PRKD3: variants seen among roughly 807,000 people sequenced by gnomAD.
The protein encoded by PRKD3 is protein kinase D3, also known as serine/threonine-protein kinase D3.
PRKD3 carries 47 observed loss-of-function variants against 99.2 expected under a neutral mutation model. The observed-to-expected ratio is 0.47, with a 90% CI of 0.38 to 0.60. The LOEUF (loss-of-function observed/expected upper bound fraction) is 0.60. Ranked by LOEUF, PRKD3 falls within the 20% of genes least tolerant of loss-of-function variation. The probability of loss-of-function intolerance (pLI) is 0.00; values close to 1 mark genes in which losing one functional copy is unlikely to be tolerated. For synonymous variants in PRKD3, 392 were observed against 355.4 expected (o/e 1.10, Z -1.16); for missense variants, 1,019 against 1,088.4 (o/e 0.94, Z 0.90).
intron 1 of PRKD3, among the ~76,000 whole-genome samples, chr2:37,317,503 C>A (rs765746872): frequency 6.6e-6 from 1 of 151,816 alleles, no homozygotes; most frequent in East Asian, 1.9e-4. Flanking sequence ...TGAGTTATAT[C>A]AAAAACAGAA....
chr2:37,319,937 T>G (rs547003052), intron 1 of PRKD3, among the ~76,000 whole-genome samples: 3 of 152,230 alleles, frequency 2.0e-5, no homozygotes, highest in Non-Finnish European at 4.4e-5. Context: ...CACTTCTTAC[T>G]TAACCTCACA....
intron 2 of PRKD3, among the ~76,000 whole-genome samples, chr2:37,305,395 T>C (rs1671112934): frequency 6.6e-6 from 1 of 152,268 alleles, no homozygotes; most frequent in Non-Finnish European, 1.5e-5. Flanking sequence ...AACAGCATTA[T>C]AACTTAAAAT....
intron 1 of PRKD3, chr2:37,317,647 C>T (rs1157709273): frequency 2.0e-5 from 3 of 152,110 alleles, no homozygotes; most frequent in Non-Finnish European, 4.4e-5. Context: ...TCTGCCGAAA[C>T]ATGACTCTTG....
At chr2:37,296,537 T>C (rs1385987644) in intron 2 of PRKD3, among the ~76,000 whole-genome samples, 1 of 152,062 alleles carries the variant, frequency 6.6e-6, no homozygotes, top group Non-Finnish European at 1.5e-5. Context: ...ATAGCCAGCC[T>C]GTGAAAAAGA....
At chr2:37,301,495 T>C (rs1325276783) in intron 2 of PRKD3, among the ~76,000 whole-genome samples, 1 of 151,996 alleles carries the variant, frequency 6.6e-6, no homozygotes, top group Non-Finnish European at 1.5e-5. Flanking sequence ...ATGTAGTGGC[T>C]TGATCACTGC....
intron 2 of PRKD3, among the ~76,000 whole-genome samples, chr2:37,304,478 C>T (rs911886463): frequency 5.3e-5 from 8 of 152,070 alleles, no homozygotes; most frequent in South Asian, 2.1e-4. Flanking sequence ...TGGTGGCTCA[C>T]GCCTGTAATC....
At chr2:37,308,825 GTTTT>G (rs67130028) in intron 2 of PRKD3, among the ~76,000 whole-genome samples, 33 of 148,432 alleles carry the variant, frequency 2.2e-4, no homozygotes, top group Non-Finnish European at 4.2e-4. Flanking sequence ...TTTAAGCTCT[GTTTT>G]TTTTTTGAAA....
chr2:37,257,660 C>CT (rs1440688597), intron 16 of PRKD3, among the ~76,000 whole-genome samples: 2 of 91,202 alleles, frequency 2.2e-5, no homozygotes, highest in Non-Finnish European at 4.1e-5. Context: ...AGTGAAGACT[C>CT]TGTCTCAAAA....
chr2:37,272,496 G>A, intron 11 of PRKD3, 64 bp from the exon 12 acceptor site: 1 of 1,532,286 alleles, frequency 6.5e-7, no homozygotes, highest in South Asian at 1.3e-5. Context: ...ACTGACATGT[G>A]AATGCTCATG....
chr2:37,259,744 C>A (rs1668262440), intron 15 of PRKD3, 63 bp from the exon 16 acceptor site: 1 of 1,123,120 alleles, frequency 8.9e-7, no homozygotes, highest in East Asian at 2.4e-5. Context: ...TCATGTGACT[C>A]CTTGAATGAT....
chr2:37,277,317 G>C (rs1281435434), intron 9 of PRKD3, among the ~76,000 whole-genome samples: 1 of 152,104 alleles, frequency 6.6e-6, no homozygotes, highest in Non-Finnish European at 1.5e-5. Flanking sequence ...ACTTTCCCAA[G>C]TTCATATAGT....
At chr2:37,304,746 A>T (rs1558572950) in intron 2 of PRKD3, among the ~76,000 whole-genome samples, 4 of 151,402 alleles carry the variant, frequency 2.6e-5, no homozygotes, top group Non-Finnish European at 2.9e-5. Flanking sequence ...TCTCAAAAAA[A>T]AAAAGAAAAA....
At chr2:37,317,692 A>C (rs2124905755) in intron 1 of PRKD3, 1 of 152,330 alleles carries the variant, frequency 6.6e-6, no homozygotes, top group Middle Eastern at 3.4e-3. Flanking sequence ...TCAGAAGGCT[A>C]AGGAAGCAGG....
intron 2 of PRKD3, among the ~76,000 whole-genome samples, chr2:37,302,300 CTG>C (rs1373462968): frequency 1.3e-5 from 2 of 152,182 alleles, no homozygotes; most frequent in African/African-American, 2.4e-5. Flanking sequence ...CCCCTCTTGA[CTG>C]TGCAAAATGA....
Position 37,293,243 on chromosome 2 carries a change from T to C in PRKD3, c.317A>G (p.Tyr106Cys). The change falls in exon 3 of 19, where the codon TAT becomes TGT. Residue 106 changes from tyrosine to cysteine, a missense_variant. By Grantham distance (194) the Tyr-to-Cys change is radical (BLOSUM62 -2). Around this residue, in one of 3 missense-constraint regions of PRKD3, gnomAD observed 710 missense variants for 692.7 expected, o/e 1.02. Transcript: ENST00000234179. ...ATGGCGAAAGAGAAGAATTTTGTCA[T>C]ACATGCCAAAGAATCCACACTCTGG... The part of the protein sequence containing the change: ...KFPECGFFGM[Y>C]DKILLFRHDM... 1 of 1,602,416 alleles carries C rather than the reference T, an allele frequency of 6.2e-7. No homozygotes were observed. Among genetic ancestry groups the C allele is most frequent in the South Asian group, 1.1e-5 (1 of 90,038 alleles).
At position 37,316,693 on chromosome 2, in the gene PRKD3, G is replaced by C; in HGVS notation, c.-169C>G. ...TGCCGATACTTTTAAGTTTTATCAA[G>C]GAGTTGAATGCCCCAAAGGTCCTAT... On this transcript the variant is annotated 5_prime_UTR_variant, in exon 2 of 19. Coordinates refer to ENST00000234179, the MANE Select transcript of PRKD3 (RefSeq NM_005813.6). 2.8e-6 allele frequency: 4 copies of C among 1,430,016 alleles called. No homozygotes were observed. The South Asian group carries it at 6.2e-5, about 22-fold the overall frequency. The allele number at this position is 1,430,016 out of a possible 1,614,324, so 88.6% of individuals were successfully genotyped here. A position where few individuals can be genotyped will look rare whatever the true frequency, so the allele number is the denominator to read the frequency against.
chr2:37,316,690 C>G lies in PRKD3; in HGVS notation c.-166G>C. 6 of 1,431,574 alleles carry G rather than the reference C, an allele frequency of 4.2e-6. No individual in the cohort carries two copies. The highest frequency in any genetic ancestry group is 2.6e-4 in the Middle Eastern group (1 of 3,868). The allele number at this position is 1,431,574 out of a possible 1,614,324, so 88.7% of individuals were successfully genotyped here. A position where few individuals can be genotyped will look rare whatever the true frequency, so the allele number is the denominator to read the frequency against. On this transcript the variant is annotated 5_prime_UTR_variant, in exon 2 of 19. It removes the in-frame stop codon of an upstream open reading frame in the 5' UTR. Coordinates refer to ENST00000234179, the MANE Select transcript of PRKD3 (RefSeq NM_005813.6). ...TCATGCCGATACTTTTAAGTTTTAT[C>G]AAGGAGTTGAATGCCCCAAAGGTCC...
In PRKD3 at chr2:37,320,933, G is replaced by A. The variant is rs138386709; in HGVS notation, c.-656+3748C>T. On this transcript the variant is annotated intron_variant, in intron 1 of 18. Transcript: ENST00000234179. Reference sequence around the variant, plus strand: ...AATAGAAGAAACCTAAGAGCTGTCAGATTTCTGCCCACTCTTTCCATTTTC... The same window carrying A: ...AATAGAAGAAACCTAAGAGCTGTCAAATTTCTGCCCACTCTTTCCATTTTC... Among the ~76,000 whole-genome samples, 682 of 152,218 alleles carry A rather than the reference G, an allele frequency of 4.5e-3. 5 individuals are homozygous for A. The highest frequency in any genetic ancestry group is 0.016 in the African/African-American group (648 of 41,530).
At chr2:37,282,466 C>T (rs1406507129) in intron 7 of PRKD3, 76 bp downstream of exon 7, 2 of 955,744 alleles carry the variant, frequency 2.1e-6, no homozygotes, top group Non-Finnish European at 3.3e-6. Context: ...GAAAACAGAA[C>T]CTTATCCAAA....
Sources: gnomAD v4.1 joint callset for allele counts (sites outside exome capture counted in the v4.1 genomes callset) on GRCh38, gnomAD v4.1.1 for gene constraint, gnomAD v4.1.1 regional missense constraint, MANE v1.5 for transcripts, NCBI Gene and HGNC (gene_info 2026-07-23, HGNC 2026-07-21) for gene names.